Variants in CNOT6 observed in about 807,000 individuals in gnomAD.
CNOT6 encodes CCR4-NOT transcription complex subunit 6.
Under a neutral mutation model 61.2 loss-of-function variants are expected in CNOT6, and 12 were observed. The ratio of observed to expected loss-of-function variants is 0.20; its 90% confidence interval spans 0.13 to 0.32. The LOEUF is 0.32. Among genes scored for constraint, CNOT6 ranks in the 10% least tolerant of loss-of-function variants. The pLI is 1.00. For synonymous variants in CNOT6, 225 were observed against 240.6 expected (o/e 0.94, Z 0.60); for missense variants, 405 against 663.9 (o/e 0.61, Z 4.28).
chr5:180,499,936 G>T (rs1418763900), intron 1 of CNOT6, among the ~76,000 whole-genome samples: 2 of 152,080 alleles, frequency 1.3e-5, no homozygotes, highest in Non-Finnish European at 2.9e-5. Flanking sequence ...TGTGTTTCAT[G>T]TATTTCTACA....
intron 1 of CNOT6, among the ~76,000 whole-genome samples, chr5:180,511,732 C>T (rs1210804056): frequency 1.3e-5 from 2 of 151,910 alleles, no homozygotes; most frequent in South Asian, 2.1e-4. Flanking sequence ...TGCTACTACA[C>T]TCCAGCCTGG....
At chr5:180,563,806 T>A (rs1760312162) in intron 4 of CNOT6, among the ~76,000 whole-genome samples, 2 of 152,204 alleles carry the variant, frequency 1.3e-5, no homozygotes, top group Non-Finnish European at 2.9e-5. Context: ...GTACTTTTAT[T>A]TCTCATGTAC....
chr5:180,524,774 A>G lies in CNOT6; in HGVS notation c.-2-4501A>G, dbSNP rs145315061. ...CTTCTGAACTTTCATCAATAATTCT[A>G]ATGATTAATAGGACAAAAATACTAA... On this transcript the variant is annotated intron_variant, in intron 1 of 11. Transcript: ENST00000261951. Among the ~76,000 whole-genome samples the G allele has an allele frequency of 1.5e-3, 222 of 152,356 alleles. 1 individual carries two copies. The highest frequency in any genetic ancestry group is 5.0e-3 in the African/African-American group (209 of 41,586).
At chr5:180,553,216 GTTT>G (rs375123503) in intron 3 of CNOT6, among the ~76,000 whole-genome samples, 167 bp from the exon 4 acceptor site, 1 of 146,098 alleles carries the variant, frequency 6.8e-6, no homozygotes, top group African/African-American at 2.5e-5. Flanking sequence ...TTCTCTGGCA[GTTT>G]TTTTTTTTAA....
At chr5:180,545,704 T>C (rs1023787416) in intron 2 of CNOT6, among the ~76,000 whole-genome samples, 1 of 152,242 alleles carries the variant, frequency 6.6e-6, no homozygotes, top group African/African-American at 2.4e-5. Context: ...TGGGCATAAC[T>C]TTTATTTCCT....
chr5:180,511,638 C>G (rs1757399963), intron 1 of CNOT6, among the ~76,000 whole-genome samples: 1 of 151,916 alleles, frequency 6.6e-6, no homozygotes, highest in African/African-American at 2.4e-5. Context: ...TGGTGGCCTG[C>G]ACCTGTAGTT....
intron 1 of CNOT6, among the ~76,000 whole-genome samples, chr5:180,514,534 CA>C (rs1757547054): frequency 6.6e-6 from 1 of 152,098 alleles, no homozygotes; most frequent in Non-Finnish European, 1.5e-5. Context: ...ATCCTAAAAG[CA>C]TAAGTACCAA....
intron 4 of CNOT6, among the ~76,000 whole-genome samples, chr5:180,554,542 A>G (rs920042685): frequency 3.3e-5 from 5 of 152,024 alleles, no homozygotes; most frequent in Admixed American, 6.6e-5. Flanking sequence ...ATAGAAATAT[A>G]TGTTTTAAAA....
chr5:180,569,990 A>C (rs551617286), intron 10 of CNOT6, among the ~76,000 whole-genome samples: 2 of 152,252 alleles, frequency 1.3e-5, no homozygotes, highest in South Asian at 4.2e-4. Context: ...CTTGGACGTG[A>C]ATGTACGCAT....
At chr5:180,509,394 G>C (rs1358347058) in intron 1 of CNOT6, among the ~76,000 whole-genome samples, 1 of 151,824 alleles carries the variant, frequency 6.6e-6, no homozygotes, top group South Asian at 2.1e-4. Flanking sequence ...TTCCCAAAGT[G>C]CTGGGATTAC....
intron 11 of CNOT6, among the ~76,000 whole-genome samples, chr5:180,572,486 G>T (rs1189788363): frequency 6.6e-6 from 1 of 152,056 alleles, no homozygotes; most frequent in Non-Finnish European, 1.5e-5. Context: ...CACCGCACCT[G>T]GTCAGACTTA....
intron 2 of CNOT6, among the ~76,000 whole-genome samples, chr5:180,535,397 A>G (rs1351111762): frequency 1.3e-5 from 2 of 152,172 alleles, no homozygotes; most frequent in East Asian, 3.9e-4. Context: ...CCCACTTGTA[A>G]GTGAGAACAT....
At chr5:180,507,889 T>A (rs1757199636) in intron 1 of CNOT6, among the ~76,000 whole-genome samples, 1 of 152,192 alleles carries the variant, frequency 6.6e-6, no homozygotes, top group Non-Finnish European at 1.5e-5. Context: ...TGCTACACAC[T>A]TTTAAACAAC....
intron 1 of CNOT6, among the ~76,000 whole-genome samples, chr5:180,526,157 G>C (rs575747343): frequency 1.6e-4 from 24 of 152,312 alleles, no homozygotes; most frequent in African/African-American, 5.8e-4. Context: ...GAACTTGAAT[G>C]GGTTTAACTG....
chr5:180,529,181 G>A (rs1561642571), intron 1 of CNOT6, 94 bp from the exon 2 acceptor site: 2 of 717,382 alleles, frequency 2.8e-6, no homozygotes, highest in Non-Finnish European at 4.8e-6. Flanking sequence ...CTGGGTGACA[G>A]AGTCAGACTT....
Position 180,565,708 on chromosome 5 carries a change from T to A in CNOT6, c.560-112T>A, listed in dbSNP as rs563090754. On this transcript the variant is annotated intron_variant, in intron 6 of 11. Transcript: ENST00000261951. ...GCGTACAGTAGCTTTTCAGTGACTA[T>A]AGATTGAATGAATACGGTCAAACTT... is the stretch of plus-strand genomic sequence containing the variant. 1.1e-5 allele frequency: 11 copies of A among 1,002,708 alleles called. No homozygotes were observed. In the African/African-American group the frequency reaches 1.1e-4, roughly 10 times the overall value. The allele number at this position is 1,002,708 out of a possible 1,614,324, so 62.1% of individuals were successfully genotyped here.
chr5:180,572,677 C>A (rs1056362224), intron 11 of CNOT6, among the ~76,000 whole-genome samples: 8 of 151,926 alleles, frequency 5.3e-5, no homozygotes, highest in African/African-American at 1.9e-4. Flanking sequence ...AGCCTCCCCG[C>A]TAACTTGGAC....
intron 2 of CNOT6, among the ~76,000 whole-genome samples, chr5:180,530,803 A>G (rs1343971960): frequency 1.3e-5 from 2 of 152,134 alleles, no homozygotes; most frequent in Non-Finnish European, 2.9e-5. Context: ...CATCTGTTTA[A>G]CAAAGCACAT....
intron 4 of CNOT6, among the ~76,000 whole-genome samples, chr5:180,555,494 T>C (rs1169191927): frequency 6.6e-6 from 1 of 152,264 alleles, no homozygotes; most frequent in Non-Finnish European, 1.5e-5. Flanking sequence ...AGACATTTGC[T>C]TATCTCACAT....
Sources: allele counts gnomAD v4.1 joint callset (sites outside exome capture counted in the v4.1 genomes callset), GRCh38; gene constraint gnomAD v4.1.1; transcripts MANE v1.5; gene names NCBI Gene and HGNC (gene_info 2026-07-23, HGNC 2026-07-21).